RANBP17: variants seen among roughly 807,000 people sequenced by gnomAD.
The protein encoded by RANBP17 is ran-binding protein 17.
In RANBP17, 158 loss-of-function variants were observed where a neutral mutation model predicts 141.2. The ratio of observed to expected loss-of-function variants is 1.12; its 90% CI spans 0.98 to 1.28. The LOEUF is 1.28. Ranked by LOEUF, RANBP17 falls within the 50% of genes most tolerant of loss-of-function variation. The probability of loss-of-function intolerance (pLI) is 0.00; values close to 1 mark genes in which losing one functional copy is unlikely to be tolerated. For missense variants in RANBP17, 1,438 were observed against 1,290.7 expected (o/e 1.11, Z -1.75); for synonymous variants, 430 against 450.0 (o/e 0.96, Z 0.56).
intron 14 of RANBP17, among the ~76,000 whole-genome samples, chr5:171,024,455 C>T (rs1481246411): frequency 6.6e-6 from 1 of 152,072 alleles, no homozygotes. Flanking sequence ...GTAGTTGGAC[C>T]ATAAGCCTAA....
chr5:170,931,649 G>A (rs1303320615), intron 12 of RANBP17, among the ~76,000 whole-genome samples: 2 of 152,178 alleles, frequency 1.3e-5, no homozygotes, highest in East Asian at 1.9e-4. Context: ...TCCCAGCACC[G>A]TTTATTAAGT....
At chr5:171,192,482 A>T (rs1761714724) in intron 18 of RANBP17, among the ~76,000 whole-genome samples, 1 of 151,828 alleles carries the variant, frequency 6.6e-6, no homozygotes, top group Non-Finnish European at 1.5e-5. Flanking sequence ...TGGGCAGTGT[A>T]TTTTTTTTCC....
At chr5:171,287,014 A>T (rs749948710) in intron 25 of RANBP17, among the ~76,000 whole-genome samples, 1 of 152,208 alleles carries the variant, frequency 6.6e-6, no homozygotes, top group Non-Finnish European at 1.5e-5. Context: ...TGAAAGGCCA[A>T]TGACAAGTGC....
chr5:171,010,519 A>G (rs1779962793), intron 14 of RANBP17, among the ~76,000 whole-genome samples: 1 of 152,210 alleles, frequency 6.6e-6, no homozygotes, highest in Non-Finnish European at 1.5e-5. Flanking sequence ...GTGCCCAGCC[A>G]GAAATTAATA....
intron 14 of RANBP17, among the ~76,000 whole-genome samples, chr5:170,995,825 A>C (rs1320657503): frequency 1.3e-5 from 2 of 152,146 alleles, no homozygotes; most frequent in Non-Finnish European, 2.9e-5. Flanking sequence ...TAAACATATA[A>C]ATGTTTTTAA....
intron 14 of RANBP17, among the ~76,000 whole-genome samples, chr5:171,136,154 A>G (rs1209371789): frequency 6.6e-6 from 1 of 152,204 alleles, no homozygotes; most frequent in Non-Finnish European, 1.5e-5. Context: ...TCCCAACTGC[A>G]AGGCTGCAGT....
chr5:171,103,582 C>T (rs750009445), intron 14 of RANBP17, among the ~76,000 whole-genome samples: 10 of 152,132 alleles, frequency 6.6e-5, no homozygotes, highest in African/African-American at 4.8e-5. Context: ...GGCTCTCTCA[C>T]TTCAGCCCCC....
At chr5:171,004,270 G>T (rs1185094912) in intron 14 of RANBP17, among the ~76,000 whole-genome samples, 1 of 152,126 alleles carries the variant, frequency 6.6e-6, no homozygotes, top group Admixed American at 6.5e-5. Flanking sequence ...AAGACACGAA[G>T]GAGGCTTTGG....
intron 14 of RANBP17, chr5:170,968,707 G>T (rs1421186015): frequency 2.2e-6 from 1 of 461,882 alleles, no homozygotes; most frequent in South Asian, 1.6e-5. Flanking sequence ...GTAGTTCCAG[G>T]GTTTTTTGGA....
chr5:171,279,301 C>T (rs1767708902), intron 25 of RANBP17, among the ~76,000 whole-genome samples: 1 of 152,276 alleles, frequency 6.6e-6, no homozygotes, highest in South Asian at 2.1e-4. Flanking sequence ...GCTATTATAG[C>T]AGAATACCGT....
intron 13 of RANBP17, among the ~76,000 whole-genome samples, chr5:170,966,550 G>A (rs886141478): frequency 2.9e-4 from 44 of 152,098 alleles, no homozygotes; most frequent in African/African-American, 8.7e-4. Context: ...ATCTCAAAAT[G>A]ATAAGAGCTA....
At chr5:171,239,337 G>A (rs114454712) in intron 22 of RANBP17, among the ~76,000 whole-genome samples, 1,553 of 152,250 alleles carry the variant, frequency 0.01, 25 homozygotes, top group African/African-American at 0.036. Flanking sequence ...CCTTTACCCT[G>A]TGCTGGTCCT....
At chr5:171,221,657 G>A in intron 21 of RANBP17, 101 bp from the exon 22 acceptor site, 1 of 703,160 alleles carries the variant, frequency 1.4e-6, no homozygotes, top group Non-Finnish European at 2.5e-6. Flanking sequence ...AGAGACAATT[G>A]TACTGCTGCT....
At chr5:171,001,808 T>A (rs1257753485) in intron 14 of RANBP17, among the ~76,000 whole-genome samples, 1 of 151,586 alleles carries the variant, frequency 6.6e-6, no homozygotes, top group Non-Finnish European at 1.5e-5. Flanking sequence ...TGTATAGAGG[T>A]GGGAAGGCAA....
Position 170,953,585 on chromosome 5 carries a change from A to G in RANBP17, c.1469-12A>G. 1,277 of 1,242,898 alleles carry G rather than the reference A, an allele frequency of 1.0e-3. No homozygotes were observed. The highest frequency in any genetic ancestry group is 1.3e-3 in the Non-Finnish European group (1,149 of 869,936). The allele number at this position is 1,242,898 out of a possible 1,614,324, so 77.0% of individuals were successfully genotyped here. On this transcript the variant is annotated splice_polypyrimidine_tract_variant and intron_variant, in intron 12 of 27. Transcript: ENST00000523189. ...TACTTACTAAACTTTTTTCTTCCTTATTCTATATTAGGACGTCTTGCATGG... is the reference window on the plus strand; with the variant it reads ...TACTTACTAAACTTTTTTCTTCCTTGTTCTATATTAGGACGTCTTGCATGG...
At chr5:171,022,235 G>T (rs1334092049) in intron 14 of RANBP17, among the ~76,000 whole-genome samples, 4 of 152,172 alleles carry the variant, frequency 2.6e-5, no homozygotes, top group African/African-American at 9.7e-5. Context: ...TCCTGTATTG[G>T]GTATCTGCCA....
intron 20 of RANBP17, among the ~76,000 whole-genome samples, chr5:171,210,347 A>T (rs1180843382): frequency 3.3e-5 from 5 of 152,168 alleles, no homozygotes; most frequent in African/African-American, 4.8e-5. Context: ...TGTCAGAAGC[A>T]TATTAGAATT....
intron 7 of RANBP17, among the ~76,000 whole-genome samples, chr5:170,911,705 T>C (rs1771540942): frequency 6.6e-6 from 1 of 151,832 alleles, no homozygotes; most frequent in Non-Finnish European, 1.5e-5. Context: ...ATATGAAGAG[T>C]TGGCAAGAGA....
chr5:170,899,362 T>C (rs1183415021), intron 5 of RANBP17, among the ~76,000 whole-genome samples: 1 of 152,220 alleles, frequency 6.6e-6, no homozygotes, highest in Non-Finnish European at 1.5e-5. Context: ...TTTTGCACAT[T>C]GATTTTGTAT....
Sources: allele counts gnomAD v4.1 joint callset (sites outside exome capture counted in the v4.1 genomes callset), GRCh38; gene constraint gnomAD v4.1.1; transcripts MANE v1.5; gene names NCBI Gene and HGNC (gene_info 2026-07-23, HGNC 2026-07-21).